ADAMTS20: variants seen among roughly 807,000 people sequenced by gnomAD.
ADAMTS20 encodes the protein A disintegrin and metalloproteinase with thrombospondin motifs 20.
ADAMTS20 carries 225 observed loss-of-function variants against 260.1 expected under a neutral mutation model. The observed-to-expected ratio is 0.87, with a 90% CI of 0.78 to 0.97. The LOEUF is 0.97. Ranked by LOEUF, ADAMTS20 falls within the 50% of genes least tolerant of loss-of-function variation. The pLI, the probability that ADAMTS20 is intolerant of heterozygous loss-of-function variation, is 0.00. For missense variants in ADAMTS20, 2,400 were observed against 2,337.7 expected, an observed-to-expected ratio of 1.03 and a Z score of -0.55; for synonymous variants, 802 against 769.5, an observed-to-expected ratio of 1.04 and a Z score of -0.70.
intron 3 of ADAMTS20, among the ~76,000 whole-genome samples, chr12:43,503,444 T>C (rs1313062615): frequency 6.6e-6 from 1 of 152,136 alleles, no homozygotes; most frequent in African/African-American, 2.4e-5. Context: ...ATAATTCATT[T>C]TAAGTACGAA....
intron 4 of ADAMTS20, among the ~76,000 whole-genome samples, chr12:43,497,464 C>T (rs1942693564): frequency 1.3e-5 from 2 of 152,032 alleles, no homozygotes; most frequent in African/African-American, 4.8e-5. Flanking sequence ...ATTTTGTTTA[C>T]AAAGATCATT....
At position 43,452,508 on chromosome 12, in the gene ADAMTS20, AC is replaced by A. The variant is rs756230055; in HGVS notation, c.1942+5del. On this transcript the variant is annotated splice_donor_5th_base_variant and intron_variant, in intron 13 of 38. Coordinates refer to ENST00000389420, the MANE Select transcript of ADAMTS20 (RefSeq NM_025003.5). ...TTACATCAAAGAACCAGCATAATTT[AC>A]TTACTGCCACTGTATCTTGGAAGCC... is the stretch of plus-strand genomic sequence containing the variant. 1.4e-5 allele frequency: 22 copies of A among 1,609,452 alleles called. No homozygotes were observed. In the African/African-American group the frequency reaches 2.8e-4, roughly 21 times the overall value.
intron 11 of ADAMTS20, among the ~76,000 whole-genome samples, chr12:43,459,015 T>A (rs1942013531): frequency 6.6e-6 from 1 of 152,168 alleles, no homozygotes; most frequent in Admixed American, 6.5e-5. Flanking sequence ...GGGACAATGA[T>A]CCGGATATAA....
rs141190225 is a variant in ADAMTS20, at chr12:43,388,018, C to T, written c.4453-4041G>A. Among the ~76,000 whole-genome samples the T allele has an allele frequency of 2.0e-3, 306 of 152,110 alleles. 1 individual carries two copies. The highest frequency in any genetic ancestry group is 6.8e-3 in the Middle Eastern group (2 of 294). ...ACCATGTGGCTGTCTGGCTTCAGCC[C>T]CCTTTCCATGGGAGTGAACAATTCT... is the stretch of plus-strand genomic sequence containing the variant. On this transcript the variant is annotated intron_variant, in intron 29 of 38. Transcript: ENST00000389420.
intron 28 of ADAMTS20, among the ~76,000 whole-genome samples, chr12:43,406,267 CAG>C (rs140254069): frequency 0.036 from 5,441 of 152,174 alleles, 130 homozygotes; most frequent in Non-Finnish European, 0.056. Context: ...CCAAATGTAT[CAG>C]TGAACTTTTC....
intron 28 of ADAMTS20, among the ~76,000 whole-genome samples, chr12:43,405,717 A>G (rs1043892351): frequency 2.0e-5 from 3 of 152,136 alleles, no homozygotes; most frequent in African/African-American, 4.8e-5. Flanking sequence ...ATATTATTCA[A>G]TTTCACTTTG....
chr12:43,483,756 C>T (rs1271177647), intron 7 of ADAMTS20, among the ~76,000 whole-genome samples: 1 of 152,136 alleles, frequency 6.6e-6, no homozygotes, highest in East Asian at 1.9e-4. Context: ...GCTTCCCCAG[C>T]CTGCTCTGTC....
intron 38 of ADAMTS20, 118 bp downstream of exon 38, chr12:43,356,352 ATATACCCATTATAT>A: frequency 1.7e-6 from 1 of 578,142 alleles, no homozygotes; most frequent in Non-Finnish European, 3.1e-6. Flanking sequence ...ATTATATGTA[ATATACCCATTATAT>A]GCAATATCTC....
At chr12:43,485,094 CAA>C (rs59409245) in intron 7 of ADAMTS20, among the ~76,000 whole-genome samples, 79 of 118,718 alleles carry the variant, frequency 6.7e-4, no homozygotes, top group East Asian at 1.9e-3. Flanking sequence ...AGGACGTAGC[CAA>C]AAAAAAAAAA....
At chr12:43,450,985 T>C (rs1941854536) in intron 14 of ADAMTS20, among the ~76,000 whole-genome samples, 1 of 152,166 alleles carries the variant, frequency 6.6e-6, no homozygotes, top group Admixed American at 6.5e-5. Context: ...ACTCCCATGT[T>C]TATCACAGCT....
intron 29 of ADAMTS20, among the ~76,000 whole-genome samples, chr12:43,384,431 T>C (rs981579653): frequency 1.3e-5 from 2 of 152,214 alleles, no homozygotes; most frequent in Admixed American, 1.3e-4. Flanking sequence ...CTATAGTTTG[T>C]ACCTGTTATG....
chr12:43,386,352 C>A (rs1345836287), intron 29 of ADAMTS20, among the ~76,000 whole-genome samples: 1 of 152,170 alleles, frequency 6.6e-6, no homozygotes, highest in Non-Finnish European at 1.5e-5. Context: ...GCAGAGAGAT[C>A]CGCTGTTAGT....
intron 28 of ADAMTS20, among the ~76,000 whole-genome samples, chr12:43,422,095 C>G (rs1344992199): frequency 6.6e-6 from 1 of 151,952 alleles, no homozygotes; most frequent in African/African-American, 2.4e-5. Flanking sequence ...GACTAATCAC[C>G]AAAAATGTAG....
intron 29 of ADAMTS20, among the ~76,000 whole-genome samples, chr12:43,396,256 T>C (rs377764594): frequency 6.6e-6 from 1 of 152,156 alleles, no homozygotes; most frequent in East Asian, 1.9e-4. Flanking sequence ...TCAAAACTCA[T>C]TTAAGCACCT....
chr12:43,476,902 G>A (rs1428719498), intron 7 of ADAMTS20, among the ~76,000 whole-genome samples: 1 of 150,274 alleles, frequency 6.7e-6, no homozygotes, highest in Non-Finnish European at 1.5e-5. Context: ...GCTAGATGAC[G>A]AGTTAGTGGG....
At chr12:43,451,241 AG>A (rs1324724889) in intron 14 of ADAMTS20, among the ~76,000 whole-genome samples, 5 of 152,168 alleles carry the variant, frequency 3.3e-5, no homozygotes, top group Non-Finnish European at 5.9e-5. Context: ...ATCTCATAGA[AG>A]TACACTTACT....
At chr12:43,482,428 C>T (rs1942456155) in intron 7 of ADAMTS20, among the ~76,000 whole-genome samples, 1 of 152,230 alleles carries the variant, frequency 6.6e-6, no homozygotes, top group South Asian at 2.1e-4. Context: ...CTGCCTGAAA[C>T]CCAGTTAGCT....
chr12:43,375,357 A>C (rs374530394), intron 36 of ADAMTS20, 22 bp downstream of exon 36: 3 of 1,602,154 alleles, frequency 1.9e-6, no homozygotes, highest in Non-Finnish European at 1.7e-6. Flanking sequence ...TTTTGATTTT[A>C]AAATATAGAT....
chr12:43,456,774 C>T (rs2137361915), intron 11 of ADAMTS20, among the ~76,000 whole-genome samples: 1 of 152,216 alleles, frequency 6.6e-6, no homozygotes, highest in East Asian at 1.9e-4. Context: ...TTCCGATTGG[C>T]TCTTTTAAAA....
Sources: allele counts gnomAD v4.1 joint callset (sites outside exome capture counted in the v4.1 genomes callset), GRCh38; gene constraint gnomAD v4.1.1; transcripts MANE v1.5; gene names NCBI Gene and HGNC (gene_info 2026-07-23, HGNC 2026-07-21).